Variants in COL28A1 observed in about 807,000 individuals in gnomAD.
The protein encoded by COL28A1 is collagen alpha-1(XXVIII) chain.
Under a neutral mutation model 150.2 loss-of-function variants are expected in COL28A1, and 161 were observed. The observed-to-expected ratio is 1.07, with a 90% CI of 0.94 to 1.22. The LOEUF is 1.22. COL28A1 is among the 50% of genes most tolerant of loss of function. The pLI is 0.00. For missense variants in COL28A1, 1,617 were observed against 1,388.3 expected, an observed-to-expected ratio of 1.16 and a Z score of -2.62; for synonymous variants, 552 against 469.7, an observed-to-expected ratio of 1.18 and a Z score of -2.26.
chr7:7,393,404 G>C lies in COL28A1; in HGVS notation c.2137-11792C>G, dbSNP rs117087998. On this transcript the variant is annotated intron_variant, in intron 27 of 34. Transcript: ENST00000399429. The stretch of plus-strand genomic sequence containing the variant: ...TGTATGAGATGTCTGCTGGTGGGAG[G>C]TGTCTCCCAGTCAGGAGACACAGGG... Among the ~76,000 whole-genome samples the C allele has an allele frequency of 6.5e-3, 997 of 152,310 alleles. 4 individuals are homozygous for C. Among genetic ancestry groups the C allele is most frequent in the Non-Finnish European group, 0.011 (719 of 68,024 alleles).
chr7:7,413,720 C>G (rs530756807), intron 27 of COL28A1, among the ~76,000 whole-genome samples: 1 of 152,274 alleles, frequency 6.6e-6, no homozygotes, highest in East Asian at 1.9e-4. Context: ...ACACATTGTA[C>G]TGTTATGTGA....
At chr7:7,509,595 T>A (rs1781010723) in intron 9 of COL28A1, among the ~76,000 whole-genome samples, 1 of 152,190 alleles carries the variant, frequency 6.6e-6, no homozygotes, top group African/African-American at 2.4e-5. Context: ...TTGGGGTATA[T>A]TTTACAGTCA....
intron 13 of COL28A1, among the ~76,000 whole-genome samples, chr7:7,479,953 C>T (rs6954909): frequency 0.4 from 60,465 of 152,090 alleles, 15,250 homozygotes; most frequent in African/African-American, 0.72. Context: ...TGAAGCTTTT[C>T]CTCTGATGAA....
At chr7:7,393,215 C>T (rs1294034748) in intron 27 of COL28A1, among the ~76,000 whole-genome samples, 1 of 152,198 alleles carries the variant, frequency 6.6e-6, no homozygotes, top group South Asian at 2.1e-4. Flanking sequence ...ACAGTCTGGC[C>T]CCTCTGCTGC....
chr7:7,357,315 G>T (rs530292161), downstream of COL28A1, among the ~76,000 whole-genome samples: 18 of 152,246 alleles, frequency 1.2e-4, no homozygotes, highest in South Asian at 3.5e-3. Context: ...CTTCCAAAGT[G>T]CTGGGATTAT....
At chr7:7,449,186 T>A (rs1015194472) in intron 18 of COL28A1, among the ~76,000 whole-genome samples, 1 of 152,110 alleles carries the variant, frequency 6.6e-6, no homozygotes, top group Non-Finnish European at 1.5e-5. Context: ...GTCAGTTGAA[T>A]GATCATCATA....
intron 27 of COL28A1, among the ~76,000 whole-genome samples, chr7:7,387,996 G>T (rs964809558): frequency 6.6e-6 from 1 of 151,886 alleles, no homozygotes. Context: ...ACTTCCCTAG[G>T]ATTTGTATTC....
chr7:7,539,457 C>A (rs986709485), upstream of COL28A1, among the ~76,000 whole-genome samples: 3 of 152,154 alleles, frequency 2.0e-5, no homozygotes, highest in Non-Finnish European at 2.9e-5. Context: ...AAGGGATCCA[C>A]CCACATGACC....
intron 11 of COL28A1, among the ~76,000 whole-genome samples, chr7:7,496,912 T>C (rs1166981458): frequency 6.6e-6 from 1 of 152,078 alleles, no homozygotes; most frequent in South Asian, 2.1e-4. Context: ...GAACATTTTG[T>C]AGGTGCAGAA....
chr7:7,536,923 A>T (rs993725082), upstream of COL28A1, among the ~76,000 whole-genome samples: 1 of 152,180 alleles, frequency 6.6e-6, no homozygotes, highest in Non-Finnish European at 1.5e-5. Context: ...TAGGTTCTGG[A>T]AACTGTGACA....
chr7:7,519,795 G>A (rs982288189), intron 6 of COL28A1, among the ~76,000 whole-genome samples: 2 of 152,090 alleles, frequency 1.3e-5, no homozygotes, highest in African/African-American at 2.4e-5. Flanking sequence ...GGCTGCTATC[G>A]TTTAAGTACT....
intron 33 of COL28A1, among the ~76,000 whole-genome samples, chr7:7,361,609 T>A (rs1179552557): frequency 6.6e-6 from 1 of 152,230 alleles, no homozygotes; most frequent in African/African-American, 2.4e-5. Context: ...TAAGCGTTTT[T>A]TCATGTTTGT....
At chr7:7,538,314 G>C (rs1782716420), upstream of COL28A1, among the ~76,000 whole-genome samples, 1 of 152,042 alleles carries the variant, frequency 6.6e-6, no homozygotes, top group South Asian at 2.1e-4. Flanking sequence ...ACTAGAAAAA[G>C]GCAACGTGGA....
chr7:7,343,641 G>A, the COL28A1 span, among the ~76,000 whole-genome samples: 4 of 151,978 alleles, frequency 2.6e-5, no homozygotes, highest in African/African-American at 9.7e-5. Flanking sequence ...TTCCAGCTTT[G>A]TTATGCTTAT....
intron 30 of COL28A1, among the ~76,000 whole-genome samples, chr7:7,376,834 G>C (rs914191957): frequency 1.3e-5 from 2 of 151,938 alleles, no homozygotes; most frequent in Non-Finnish European, 2.9e-5. Context: ...TTGAATGTGC[G>C]GCCATTTAAA....
chr7:7,492,551 C>T (rs976232735), intron 11 of COL28A1, among the ~76,000 whole-genome samples: 2 of 145,166 alleles, frequency 1.4e-5, no homozygotes, highest in African/African-American at 5.1e-5. Flanking sequence ...CGCCACCACA[C>T]TCCAGCTTTG....
chr7:7,477,735 C>T (rs6943692), intron 13 of COL28A1, among the ~76,000 whole-genome samples: 81,401 of 152,018 alleles, frequency 0.54, 24,324 homozygotes, highest in African/African-American at 0.82. Context: ...GTAAGATATA[C>T]AGCAAACAGC....
chr7:7,489,614 C>T lies in COL28A1; in HGVS notation c.1096-157G>A, dbSNP rs145728505. ...AAATTCTAGAGGAAGAGAAATAGCT[C>T]GAATTTAAGTGAACAAATTACCCTA... On this transcript the variant is annotated intron_variant, in intron 12 of 34. Coordinates refer to ENST00000399429, the MANE Select transcript of COL28A1 (RefSeq NM_001037763.3). Among the ~76,000 whole-genome samples, 228 of 152,274 alleles carry T rather than the reference C, an allele frequency of 1.5e-3. 3 individuals carry two copies. The highest frequency in any genetic ancestry group is 0.011 in the Admixed American group (173 of 15,300).
chr7:7,360,510 G>C lies in COL28A1; in HGVS notation c.3085C>G (p.Gln1029Glu). The change falls in exon 34 of 35, where the codon CAG becomes GAG. Residue 1029 changes from glutamine (Q) to glutamate (E), a missense_variant. Coordinates refer to ENST00000399429, the MANE Select transcript of COL28A1 (RefSeq NM_001037763.3). ...ISESLSVTRD[Q>E]DEDDKAPEPT... Reference sequence around the variant, plus strand: ...TCTGGAGCCTTATCATCTTCATCCTGGTCTCTGGTGACACTCAACTACACA... The same window carrying C: ...TCTGGAGCCTTATCATCTTCATCCTCGTCTCTGGTGACACTCAACTACACA... 4 of 1,602,290 alleles carry C rather than the reference G, an allele frequency of 2.5e-6. No homozygotes were observed. The highest frequency in any genetic ancestry group is 2.3e-5 in the East Asian group (1 of 44,176).
Sources: allele counts gnomAD v4.1 joint callset (sites outside exome capture counted in the v4.1 genomes callset), GRCh38; gene constraint gnomAD v4.1.1; transcripts MANE v1.5; gene names NCBI Gene and HGNC (gene_info 2026-07-23, HGNC 2026-07-21).